The following SPNS1 variants were observed in gnomAD, a reference collection of about 807,000 sequenced individuals.
SPNS1 encodes protein spinster homolog 1.
A neutral mutation model predicts 50.3 loss-of-function variants in SPNS1; 22 were observed. That is an observed-to-expected ratio of 0.44 (90% CI 0.31 to 0.62). SPNS1 has a LOEUF of 0.62. SPNS1 is among the 20% of genes least tolerant of loss of function. The probability of loss-of-function intolerance (pLI) is 0.07; values close to 1 mark genes in which losing one functional copy is unlikely to be tolerated. For missense variants in SPNS1, 576 were observed against 728.6 expected (o/e 0.79, Z 2.41); for synonymous variants, 295 against 317.4 (o/e 0.93, Z 0.75).
At chr16:28,982,663 G>T in intron 8 of SPNS1, 118 bp downstream of exon 8, 1 of 1,329,768 alleles carries the variant, frequency 7.5e-7, no homozygotes, top group Non-Finnish European at 1.0e-6. Flanking sequence ...GCTCTTCCCA[G>T]CTGTGTGACA....
Position 28,975,139 on chromosome 16 carries a change from G to GC in SPNS1, c.-7dup. ...TGGGACCGGAGCGCGGGCGGGCGCG[G>GC]CCCCCCGGGACCATGGCCGGGTCCG... On this transcript the variant is annotated 5_prime_UTR_variant, in exon 1 of 12. Coordinates refer to ENST00000311008, the MANE Select transcript of SPNS1 (RefSeq NM_032038.3). 2.0e-6 allele frequency: 3 copies of GC among 1,472,076 alleles called. No individual in the cohort carries two copies. The highest frequency in any genetic ancestry group is 1.3e-5 in the South Asian group (1 of 75,796). The allele number at this position is 1,472,076 out of a possible 1,614,324, so 91.2% of individuals were successfully genotyped here.
intron 2 of SPNS1, among the ~76,000 whole-genome samples, chr16:28,977,079 G>T (rs1180835009): frequency 6.6e-6 from 1 of 152,198 alleles, no homozygotes; most frequent in East Asian, 1.9e-4. Context: ...CAGCACTTTG[G>T]GAGGCCGAGG....
chr16:28,984,198 C>G lies in SPNS1; in HGVS notation c.1493-7C>G, dbSNP rs558682145. ...AGCTCACCCTGGCTCTGACCCTCCCCCCTCAGGCCTGCTGCACGAAGCAGG... is the reference window on the plus strand; with the variant it reads ...AGCTCACCCTGGCTCTGACCCTCCCGCCTCAGGCCTGCTGCACGAAGCAGG... On this transcript the variant is annotated splice_polypyrimidine_tract_variant and splice_region_variant and intron_variant, in intron 11 of 11. Transcript: ENST00000311008. 6.4e-6 allele frequency: 10 copies of G among 1,556,224 alleles called. No individual in the cohort carries two copies. The highest frequency in any genetic ancestry group is 1.7e-4 in the Middle Eastern group (1 of 5,756).
chr16:28,984,360 G>A lies in SPNS1; in HGVS notation c.*61G>A, dbSNP rs1484291063. Reference sequence around the variant, plus strand: ...GCTGGCCCTGGGCCCACCCCACGAAGGGCCTGGGCCTAACCCCTTGGCCTG... The same window carrying A: ...GCTGGCCCTGGGCCCACCCCACGAAAGGCCTGGGCCTAACCCCTTGGCCTG... On this transcript the variant is annotated 3_prime_UTR_variant, in exon 12 of 12. Transcript: ENST00000311008. 1 of 1,528,058 alleles carries A rather than the reference G, an allele frequency of 6.5e-7. No individual in the cohort carries two copies. The highest frequency in any genetic ancestry group is 1.1e-5 in the South Asian group (1 of 87,362). 94.7% of individuals were successfully genotyped at this position (1,528,058 alleles called of 1,614,324 possible).
At chr16:28,982,142 T>C (rs1338218467) in intron 7 of SPNS1, 86 bp downstream of exon 7, 4 of 1,516,548 alleles carry the variant, frequency 2.6e-6, no homozygotes, top group Non-Finnish European at 2.7e-6. Context: ...GGCAGGGAGT[T>C]TGACTCCTGA....
At chr16:28,984,092 C>T in intron 11 of SPNS1, 113 bp from the exon 12 acceptor site, 5 of 1,440,690 alleles carry the variant, frequency 3.5e-6, no homozygotes, top group African/African-American at 1.4e-5. Flanking sequence ...TCTGCATCCA[C>T]CCCTGGGGTG....
At chr16:28,984,096 TG>T in intron 11 of SPNS1, 108 bp from the exon 12 acceptor site, 2 of 1,423,540 alleles carry the variant, frequency 1.4e-6, no homozygotes, top group Non-Finnish European at 9.5e-7. Flanking sequence ...CATCCACCCC[TG>T]GGGTGGCTCT....
chr16:28,975,454 G>T (rs1567520372), intron 1 of SPNS1, 38 bp from the exon 2 acceptor site: 1 of 1,614,246 alleles, frequency 6.2e-7, no homozygotes. Flanking sequence ...CCCGAGGGTG[G>T]CGCTGCTTTG....
At position 28,983,984 on chromosome 16, in the gene SPNS1, G is replaced by C. The variant is rs757390248; in HGVS notation, c.1492+27G>C. The stretch of plus-strand genomic sequence containing the variant: ...TCAGTTAGGAGCTGTGCCCGGCCCA[G>C]CTTCTTGATCTGCCTGTCTGTCTGT... On this transcript the variant is annotated intron_variant, in intron 11 of 11. Coordinates refer to ENST00000311008, the MANE Select transcript of SPNS1 (RefSeq NM_032038.3). This position sits in a 1 kb window ranked among gnomAD's most constrained non-coding sequence, Gnocchi z 5.4. The C allele has an allele frequency of 2.0e-6, 3 of 1,531,200 alleles. No homozygotes were observed. The East Asian group carries it at 6.8e-5, about 35-fold the overall frequency. 94.9% of individuals were successfully genotyped at this position (1,531,200 alleles called of 1,614,324 possible).
chr16:28,983,064 C>T lies in SPNS1; in HGVS notation c.1222-128C>T. The T allele has an allele frequency of 4.1e-6, 5 of 1,223,488 alleles. No individual in the cohort carries two copies. In the South Asian group the frequency reaches 5.0e-5, roughly 12 times the overall value. The allele number at this position is 1,223,488 out of a possible 1,614,324, so 75.8% of individuals were successfully genotyped here. On this transcript the variant is annotated intron_variant, in intron 9 of 11. Transcript: ENST00000311008. This position sits in a 1 kb window ranked among gnomAD's most constrained non-coding sequence, Gnocchi z 5.4. ...ACATCTGTAGCAGACCCCCGGCCTG[C>T]CCTGCGACCTCAACCCCAGGCACAC...
intron 3 of SPNS1, 100 bp downstream of exon 3, chr16:28,978,144 C>T: frequency 6.7e-7 from 1 of 1,491,910 alleles, no homozygotes. Flanking sequence ...TCAGGGACTC[C>T]TGCAGTTTCC....
In SPNS1 at chr16:28,981,573, A is replaced by C. The variant is rs747386305; in HGVS notation, c.767A>C (p.Asn256Thr). The change falls in exon 6 of 12, where the codon AAC (asparagine) becomes ACC (threonine). Residue 256 changes from asparagine (N) to threonine (T), a missense_variant. By Grantham distance (65) the Asn-to-Thr change is moderately conservative (BLOSUM62 0). Around this residue, in one of 3 missense-constraint regions of SPNS1, gnomAD observed 428 missense variants for 520.1 expected, o/e 0.82. Transcript: ENST00000311008. The surrounding 1 kb of genome is among the most constrained non-coding windows in gnomAD (Gnocchi z 4.2). ...VERHSDLPPL[N>T]PTSWWADLRA... ...CGCCACTCAGATTTGCCACCCCTGA[A>C]CCCCACCTCGTGGTGGGCAGATCTG... The C allele has an allele frequency of 6.2e-7, 1 of 1,613,976 alleles. No individual in the cohort carries two copies. The highest frequency in any genetic ancestry group is 1.1e-5 in the South Asian group (1 of 91,076).
Position 28,984,402 on chromosome 16 carries a change from G to T in SPNS1, c.*103G>T, listed in dbSNP as rs1567529178. 1.7e-6 allele frequency: 2 copies of T among 1,188,852 alleles called. No homozygotes were observed. Among genetic ancestry groups the T allele is most frequent in the African/African-American group, 1.5e-5 (1 of 66,390 alleles). 73.6% of individuals were successfully genotyped at this position (1,188,852 alleles called of 1,614,324 possible). On this transcript the variant is annotated 3_prime_UTR_variant, in exon 12 of 12. Coordinates refer to ENST00000311008, the MANE Select transcript of SPNS1 (RefSeq NM_032038.3). ...CTTGGCCTGGCCCAGCTTCCAGAGG[G>T]ACCCTGGGCCGTGTGCCAGCTCCCA...
In SPNS1 at chr16:28,983,155, C is replaced by T. The variant is rs1375012519; in HGVS notation, c.1222-37C>T. On this transcript the variant is annotated intron_variant, in intron 9 of 11. Transcript: ENST00000311008. The surrounding 1 kb of genome is among the most constrained non-coding windows in gnomAD (Gnocchi z 5.4). ...CCCCCTGCCTCCTGCCCCCTGGAGC[C>T]CAGAGCATCCACTGAGCTCCACCAA... The T allele has an allele frequency of 1.3e-6, 2 of 1,509,652 alleles. No homozygotes were observed. Among genetic ancestry groups the T allele is most frequent in the African/African-American group, 2.8e-5 (2 of 72,280 alleles). The allele number at this position is 1,509,652 out of a possible 1,614,324, so 93.5% of individuals were successfully genotyped here. A position where few individuals can be genotyped will look rare whatever the true frequency, so the allele number is the denominator to read the frequency against.
rs1173698725 is a variant in SPNS1, at chr16:28,981,577, C to T, written c.771C>T (p.Pro257=). The T allele has an allele frequency of 1.2e-6, 2 of 1,614,132 alleles. No homozygotes were observed. Among genetic ancestry groups the T allele is most frequent in the African/African-American group, 1.3e-5 (1 of 75,040 alleles). The change falls in exon 6 of 12, where the codon CCC becomes CCT. Residue 257 remains proline (P), a synonymous_variant. Transcript: ENST00000311008. The surrounding 1 kb of genome is among the most constrained non-coding windows in gnomAD (Gnocchi z 4.2). ...ERHSDLPPLN[P]TSWWADLRAL... is the part of the protein sequence containing the mutation. The stretch of plus-strand genomic sequence containing the variant: ...ACTCAGATTTGCCACCCCTGAACCC[C>T]ACCTCGTGGTGGGCAGATCTGAGGG...
rs1965603364 is a variant in SPNS1, at chr16:28,982,863, A to G, written c.1162A>G (p.Ile388Val). 5 of 1,613,520 alleles carry G rather than the reference A, an allele frequency of 3.1e-6. No individual in the cohort carries two copies. The highest frequency in any genetic ancestry group is 1.3e-5 in the African/African-American group (1 of 74,724). The change falls in exon 9 of 12, where the codon ATC becomes GTC. Residue 388 changes from isoleucine (I) to valine (V), a missense_variant. Coordinates refer to ENST00000311008, the MANE Select transcript of SPNS1 (RefSeq NM_032038.3). ...CGACCCTCTCTTCCCCCAGATTTTC[A>G]TCTTCATTGGAGAGACCCTCCTGTC... is the stretch of plus-strand genomic sequence containing the variant. ...RGSIVATYIF[I>V]FIGETLLSMN...
rs770932119 is a variant in SPNS1 at position 28,978,017 on chromosome 16, A to G, written c.417A>G (p.Thr139=). The G allele has an allele frequency of 3.1e-6, 5 of 1,613,670 alleles. No homozygotes were observed. Among genetic ancestry groups the G allele is most frequent in the South Asian group, 1.1e-5 (1 of 91,068 alleles). The change falls in exon 3 of 12, where the codon ACA becomes ACG. Residue 139 remains threonine (T), a synonymous_variant. Transcript: ENST00000311008. ...GCATTGCCTTCTGGTCCCTGGTGAC[A>G]CTGGGGTCATCCTTCATCCCCGGAG... ...CGGIAFWSLV[T]LGSSFIPGEH... is the part of the protein sequence containing the mutation.
In SPNS1 at chr16:28,983,272, C is replaced by T; in HGVS notation, c.1302C>T (p.Ser434=). ...VLSHLLGDAG[S]PYLIGLISDR... Reference sequence around the variant, plus strand: ...CCCACCTGCTGGGTGATGCTGGGAGCCCCTACCTCATTGGCCTGGTGAGCA... The same window carrying T: ...CCCACCTGCTGGGTGATGCTGGGAGTCCCTACCTCATTGGCCTGGTGAGCA... The change falls in exon 10 of 12, where the codon AGC becomes AGT. Residue 434 remains serine (S), a synonymous_variant. Coordinates refer to ENST00000311008, the MANE Select transcript of SPNS1 (RefSeq NM_032038.3). The surrounding 1 kb of genome is among the most constrained non-coding windows in gnomAD (Gnocchi z 5.4). 2 of 1,614,002 alleles carry T rather than the reference C, an allele frequency of 1.2e-6. No homozygotes were observed. The highest frequency in any genetic ancestry group is 3.3e-5 in the Admixed American group (2 of 60,010).
chr16:28,982,152 A>C, intron 7 of SPNS1, 96 bp downstream of exon 7: 1 of 1,479,786 alleles, frequency 6.8e-7, no homozygotes, highest in Non-Finnish European at 9.2e-7. Flanking sequence ...TTGACTCCTG[A>C]CTTCACAAGC....
Sources: allele counts gnomAD v4.1 joint callset (sites outside exome capture counted in the v4.1 genomes callset), GRCh38; gene constraint gnomAD v4.1.1; regional missense constraint gnomAD v4.1.1; non-coding constraint Gnocchi (gnomAD v3.1); transcripts MANE v1.5; gene names NCBI Gene and HGNC (gene_info 2026-07-23, HGNC 2026-07-21).